Variants in AKAP6 observed in about 807,000 individuals in gnomAD.
The protein encoded by AKAP6 is A-kinase anchor protein 6.
A neutral mutation model predicts 188.5 loss-of-function variants in AKAP6; 58 were observed. The ratio of observed to expected loss-of-function variants is 0.31; its 90% CI spans 0.25 to 0.38. The LOEUF (loss-of-function observed/expected upper bound fraction) is 0.38, where lower values mean the gene tolerates loss of function less well. Ranked by LOEUF, AKAP6 falls within the 10% of genes least tolerant of loss-of-function variation. The pLI is 1.00. For missense variants in AKAP6, 2,710 were observed against 2,740.0 expected, an observed-to-expected ratio of 0.99 and a Z score of 0.24; for synonymous variants, 989 against 998.6, an observed-to-expected ratio of 0.99 and a Z score of 0.18.
Position 32,836,352 on chromosome 14 carries a change from C to T in AKAP6, c.*6547C>T, listed in dbSNP as rs2034875683. ...TCTGGTGGAAGGGGCAGTGAACAAG[C>T]TCCCTTGGGCCCCTTTTACGAAAGC... On this transcript the variant is annotated 3_prime_UTR_variant, in exon 14 of 14. Transcript: ENST00000280979. The T allele has an allele frequency of 1.3e-5, 2 of 152,156 alleles. No homozygotes were observed. Among genetic ancestry groups the T allele is most frequent in the African/African-American group, 4.8e-5 (2 of 41,424 alleles). 9.4% of individuals were successfully genotyped at this position (152,156 alleles called of 1,614,324 possible).
At chr14:32,801,890 A>G (rs2033960706) in intron 12 of AKAP6, among the ~76,000 whole-genome samples, 1 of 152,086 alleles carries the variant, frequency 6.6e-6, no homozygotes, top group South Asian at 2.1e-4. Context: ...TTATTCCTCT[A>G]TGGATACAGT....
At chr14:32,450,541 C>T (rs766328934) in intron 2 of AKAP6, among the ~76,000 whole-genome samples, 1 of 152,142 alleles carries the variant, frequency 6.6e-6, no homozygotes, top group Non-Finnish European at 1.5e-5. Flanking sequence ...GTTTGACTCT[C>T]CATTGTACTA....
intron 5 of AKAP6, among the ~76,000 whole-genome samples, chr14:32,590,265 C>G (rs1230443917): frequency 1.3e-5 from 2 of 151,748 alleles, no homozygotes; most frequent in Non-Finnish European, 2.9e-5. Context: ...ATGCTGTCAC[C>G]TACTTGAGGG....
rs116046183 is a variant in AKAP6 at position 32,587,930 on chromosome 14, G to A, written c.2469+10688G>A. 2.6e-3 allele frequency among the ~76,000 whole-genome samples: 398 copies of A among 152,236 alleles called. 3 individuals carry two copies. The highest frequency in any genetic ancestry group is 8.3e-3 in the African/African-American group (343 of 41,508). On this transcript the variant is annotated intron_variant, in intron 5 of 13. Coordinates refer to ENST00000280979, the MANE Select transcript of AKAP6 (RefSeq NM_004274.5). ...ACATGGAAAAGAAGGGGCAAATGTC[G>A]TACAAGTACAGTGAGTATCAGGGGT...
At chr14:32,467,859 T>C (rs566693242) in intron 2 of AKAP6, among the ~76,000 whole-genome samples, 2 of 152,236 alleles carry the variant, frequency 1.3e-5, no homozygotes, top group South Asian at 4.1e-4. Flanking sequence ...CTTTTGCCAT[T>C]ACATGTTAAA....
intron 12 of AKAP6, among the ~76,000 whole-genome samples, chr14:32,787,800 A>G (rs1353085378): frequency 4.6e-5 from 7 of 152,174 alleles, no homozygotes; most frequent in Admixed American, 4.6e-4. Context: ...AATCTCCAAT[A>G]AATTTATTTT....
At chr14:32,444,345 T>A (rs1480733037) in intron 2 of AKAP6, among the ~76,000 whole-genome samples, 1 of 152,154 alleles carries the variant, frequency 6.6e-6, no homozygotes, top group Non-Finnish European at 1.5e-5. Context: ...TAGTTTAATT[T>A]GCTCTCGTCA....
At chr14:32,773,619 A>G (rs1412883166) in intron 11 of AKAP6, 59 bp from the exon 12 acceptor site, 1 of 1,457,396 alleles carries the variant, frequency 6.9e-7, no homozygotes, top group South Asian at 1.3e-5. Context: ...AAGGTGTTTC[A>G]TGTTTTAGGG....
intron 12 of AKAP6, among the ~76,000 whole-genome samples, chr14:32,807,390 A>C (rs1258968780): frequency 6.6e-6 from 1 of 152,114 alleles, no homozygotes; most frequent in Non-Finnish European, 1.5e-5. Flanking sequence ...AATGCCTTAA[A>C]GTCAGGGTAA....
intron 7 of AKAP6, among the ~76,000 whole-genome samples, chr14:32,648,382 C>T (rs1888069303): frequency 6.6e-6 from 1 of 152,018 alleles, no homozygotes; most frequent in South Asian, 2.1e-4. Context: ...TTAATAATAG[C>T]GGTGATCATT....
intron 1 of AKAP6, among the ~76,000 whole-genome samples, chr14:32,385,382 GTC>G (rs968700811): frequency 6.8e-6 from 1 of 146,170 alleles, no homozygotes; most frequent in African/African-American, 2.5e-5. Flanking sequence ...GCAACTAAAT[GTC>G]TCTGTTTTTT....
intron 4 of AKAP6, among the ~76,000 whole-genome samples, chr14:32,575,724 T>C (rs1764472090): frequency 6.6e-6 from 1 of 152,138 alleles, no homozygotes; most frequent in Admixed American, 6.5e-5. Context: ...CTTGGTACAA[T>C]AGAGAGATTT....
At chr14:32,600,362 A>G (rs1434975298) in intron 6 of AKAP6, among the ~76,000 whole-genome samples, 1 of 152,082 alleles carries the variant, frequency 6.6e-6, no homozygotes, top group Non-Finnish European at 1.5e-5. Context: ...TTTGTTCCTC[A>G]TGTATTTTTT....
intron 7 of AKAP6, among the ~76,000 whole-genome samples, chr14:32,617,833 G>A (rs546005145): frequency 6.6e-6 from 1 of 152,210 alleles, no homozygotes; most frequent in East Asian, 1.9e-4. Flanking sequence ...TCGCCATGTT[G>A]GCAGGCTGGC....
intron 2 of AKAP6, among the ~76,000 whole-genome samples, chr14:32,450,419 G>C (rs1207342446): frequency 6.6e-6 from 1 of 151,818 alleles, no homozygotes; most frequent in African/African-American, 2.4e-5. Flanking sequence ...ATTTGGTTTT[G>C]GTCATTAAAA....
chr14:32,822,118 T>G lies in AKAP6; in HGVS notation c.4305T>G (p.Cys1435Trp). The G allele has an allele frequency of 6.2e-7, 1 of 1,613,908 alleles. No homozygotes were observed. The highest frequency in any genetic ancestry group is 8.5e-7 in the Non-Finnish European group (1 of 1,179,920). ...AGTCGTCCATTTCACCAGTGGGTTG[T>G]GTAAATGGAAAAGTTGGAGATTTAA... ...SSQSSISPVG[C>W]VNGKVGDLNS... Residue 1435 changes from cysteine (C) to tryptophan (W), a missense_variant, in exon 13 of 14, where the codon TGT becomes TGG. By Grantham distance (215) the Cys-to-Trp change is radical. Around this residue, in one of 2 missense-constraint regions of AKAP6, gnomAD observed 2,473 missense variants for 2,426.1 expected, o/e 1.02. Transcript: ENST00000280979.
intron 9 of AKAP6, chr14:32,726,210 C>T (rs893825371): frequency 1.0e-6 from 1 of 983,378 alleles, no homozygotes. Context: ...TTACTGCAGA[C>T]TAAGGAGAAA....
At chr14:32,603,210 T>G (rs1391420794) in intron 7 of AKAP6, among the ~76,000 whole-genome samples, 1 of 151,994 alleles carries the variant, frequency 6.6e-6, no homozygotes, top group East Asian at 1.9e-4. Context: ...AGAAGTGACA[T>G]TATTGCGTTG....
In AKAP6 at chr14:32,823,711, T is replaced by A. The variant is rs763329395; in HGVS notation, c.5898T>A (p.Asn1966Lys). The A allele has an allele frequency of 5.6e-6, 9 of 1,613,738 alleles. No homozygotes were observed. The East Asian group carries it at 2.0e-4, about 36-fold the overall frequency. ...GACATCTTCCAAAGAAATGTCCAAA[T>A]CACCACCATTTTGAAAATCAAAGCA... ...DVRHLPKKCP[N>K]HHHFENQSTA... Residue 1966 changes from asparagine (N) to lysine (K), a missense_variant, in exon 13 of 14, where the codon AAT becomes AAA. Around this residue, in one of 2 missense-constraint regions of AKAP6, gnomAD observed 2,473 missense variants for 2,426.1 expected, o/e 1.02. Coordinates refer to ENST00000280979, the MANE Select transcript of AKAP6 (RefSeq NM_004274.5).
Sources: allele counts gnomAD v4.1 joint callset (sites outside exome capture counted in the v4.1 genomes callset), GRCh38; gene constraint gnomAD v4.1.1; regional missense constraint gnomAD v4.1.1; transcripts MANE v1.5; gene names NCBI Gene and HGNC (gene_info 2026-07-23, HGNC 2026-07-21).